Variants in METTL25 observed in about 807,000 individuals in gnomAD.
METTL25 encodes probable methyltransferase-like protein 25.
In METTL25, 64 loss-of-function variants were observed where a neutral mutation model predicts 71.6. That is an observed-to-expected ratio of 0.89 (90% CI 0.73 to 1.10). METTL25 has a LOEUF of 1.10. METTL25 is among the 50% of genes least tolerant of loss of function. METTL25 has a pLI of 0.00. For missense variants in METTL25, 807 were observed against 707.0 expected, an observed-to-expected ratio of 1.14 and a Z score of -1.60; for synonymous variants, 287 against 250.3, an observed-to-expected ratio of 1.15 and a Z score of -1.38.
Position 82,476,737 on chromosome 12 carries a change from C to T in METTL25, c.1647+19C>T. On this transcript the variant is annotated intron_variant, in intron 10 of 11. Transcript: ENST00000248306. Reference sequence around the variant, plus strand: ...TAATATGGTAAATCTCAGAGTTAAGCATATTAAATTGGATATGTTGCTAGA... The same window carrying T: ...TAATATGGTAAATCTCAGAGTTAAGTATATTAAATTGGATATGTTGCTAGA... The T allele has an allele frequency of 1.3e-6, 2 of 1,511,992 alleles. No homozygotes were observed. Among genetic ancestry groups the T allele is most frequent in the Non-Finnish European group, 1.8e-6 (2 of 1,108,332 alleles). 93.7% of individuals were successfully genotyped at this position (1,511,992 alleles called of 1,614,324 possible). A position where few individuals can be genotyped will look rare whatever the true frequency, so the allele number is the denominator to read the frequency against.
At chr12:82,475,749 T>G (rs1304924821) in intron 9 of METTL25, among the ~76,000 whole-genome samples, 1 of 152,180 alleles carries the variant, frequency 6.6e-6, no homozygotes, top group Non-Finnish European at 1.5e-5. Flanking sequence ...TTTCATTTGT[T>G]ATGTAATACT....
intron 1 of METTL25, among the ~76,000 whole-genome samples, chr12:82,381,575 G>A (rs570906764): frequency 6.6e-6 from 1 of 152,144 alleles, no homozygotes; most frequent in Non-Finnish European, 1.5e-5. Context: ...TTTTGAAAGC[G>A]ATAGTATATA....
chr12:82,410,590 A>C (rs750666385), intron 5 of METTL25, among the ~76,000 whole-genome samples: 2 of 152,108 alleles, frequency 1.3e-5, no homozygotes, highest in South Asian at 2.1e-4. Context: ...AAATTAGAAC[A>C]CGTATTTTTT....
At chr12:82,377,579 G>A (rs1330389878) in intron 1 of METTL25, among the ~76,000 whole-genome samples, 1 of 152,066 alleles carries the variant, frequency 6.6e-6, no homozygotes, top group Non-Finnish European at 1.5e-5. Context: ...TTAGAAATAG[G>A]AAATTTAGTC....
chr12:82,455,358 A>G (rs1015002054), intron 8 of METTL25, among the ~76,000 whole-genome samples: 1 of 151,862 alleles, frequency 6.6e-6, no homozygotes, highest in Admixed American at 6.6e-5. Context: ...CTGTATGTGC[A>G]GGATCTGAGA....
intron 9 of METTL25, 184 bp from the exon 10 acceptor site, chr12:82,476,460 G>A (rs1892885322): frequency 1.8e-6 from 1 of 545,972 alleles, no homozygotes; most frequent in Non-Finnish European, 3.2e-6. Context: ...ACCTATATCA[G>A]TGTAAAAATT....
intron 5 of METTL25, among the ~76,000 whole-genome samples, 172 bp downstream of exon 5, chr12:82,403,302 G>C (rs1187889378): frequency 6.6e-6 from 1 of 152,094 alleles, no homozygotes; most frequent in African/African-American, 2.4e-5. Flanking sequence ...GAAATTTAAT[G>C]CATCACCACC....
rs974868573 is a variant in METTL25 at position 82,439,795 on chromosome 12, A to C, written c.1478+1004A>C. On this transcript the variant is annotated intron_variant, in intron 8 of 11. Coordinates refer to ENST00000248306, the MANE Select transcript of METTL25 (RefSeq NM_032230.3). ...CTAACCTTGTTGAAAAAAGCCATAA[A>C]ATTGTGCAAATTCATGTCAACTCAA... 4 of 857,828 alleles carry C rather than the reference A, an allele frequency of 4.7e-6. No individual in the cohort carries two copies. The East Asian group carries it at 4.9e-4, about 105-fold the overall frequency. 53.1% of individuals were successfully genotyped at this position (857,828 alleles called of 1,614,324 possible). A position where few individuals can be genotyped will look rare whatever the true frequency, so the allele number is the denominator to read the frequency against.
chr12:82,466,909 G>A (rs374162398), intron 9 of METTL25, among the ~76,000 whole-genome samples: 13 of 151,780 alleles, frequency 8.6e-5, no homozygotes, highest in South Asian at 2.1e-4. Context: ...CAATTTTTCC[G>A]TTAGCATAGA....
At chr12:82,434,835 C>T (rs1889799418) in intron 7 of METTL25, 111 bp downstream of exon 7, 1 of 885,752 alleles carries the variant, frequency 1.1e-6, no homozygotes. Flanking sequence ...TATCTTGTCC[C>T]AGATGCATAT....
intron 5 of METTL25, among the ~76,000 whole-genome samples, chr12:82,404,215 G>T (rs1886884416): frequency 1.3e-5 from 2 of 151,924 alleles, no homozygotes; most frequent in East Asian, 3.9e-4. Context: ...ACTGTATAGA[G>T]ATAGAATGAA....
chr12:82,426,402 G>A (rs771165676), intron 5 of METTL25, among the ~76,000 whole-genome samples: 3 of 152,056 alleles, frequency 2.0e-5, no homozygotes, highest in Non-Finnish European at 4.4e-5. Flanking sequence ...GCCAAGGCTG[G>A]CAGTTCCTGT....
At chr12:82,462,588 A>G (rs985446215) in intron 9 of METTL25, among the ~76,000 whole-genome samples, 1 of 152,176 alleles carries the variant, frequency 6.6e-6, no homozygotes, top group South Asian at 2.1e-4. Context: ...TACAGCTTAA[A>G]TGAGATACTC....
chr12:82,392,075 TTA>T (rs1555205861), intron 3 of METTL25, among the ~76,000 whole-genome samples: 3 of 149,960 alleles, frequency 2.0e-5, no homozygotes, highest in Non-Finnish European at 4.4e-5. Flanking sequence ...TTTTATTTTT[TTA>T]TTTTTTATTT....
chr12:82,388,320 T>A (rs1293261135), intron 2 of METTL25, among the ~76,000 whole-genome samples: 2 of 152,090 alleles, frequency 1.3e-5, no homozygotes, highest in African/African-American at 4.8e-5. Context: ...TTTAATTTTT[T>A]AAATCTCTCT....
intron 4 of METTL25, among the ~76,000 whole-genome samples, chr12:82,399,712 T>A (rs541230155): frequency 6.6e-6 from 1 of 152,282 alleles, no homozygotes; most frequent in African/African-American, 2.4e-5. Flanking sequence ...AATTTTAATT[T>A]AAATTTGAAG....
At chr12:82,475,568 G>A (rs1892836327) in intron 9 of METTL25, among the ~76,000 whole-genome samples, 1 of 151,760 alleles carries the variant, frequency 6.6e-6, no homozygotes. Flanking sequence ...ATAAATCTGA[G>A]TACAAGTCTT....
intron 5 of METTL25, among the ~76,000 whole-genome samples, chr12:82,418,695 AC>A (rs1400031952): frequency 6.6e-6 from 1 of 152,162 alleles, no homozygotes; most frequent in Non-Finnish European, 1.5e-5. Flanking sequence ...TGACAAAAAA[AC>A]TTGAGTTGCT....
chr12:82,445,456 C>G (rs935435608), intron 8 of METTL25, among the ~76,000 whole-genome samples: 1 of 151,856 alleles, frequency 6.6e-6, no homozygotes, highest in African/African-American at 2.4e-5. Context: ...CTCTTATTAG[C>G]ATTGTATTGA....
Sources: allele counts gnomAD v4.1 joint callset (sites outside exome capture counted in the v4.1 genomes callset), GRCh38; gene constraint gnomAD v4.1.1; transcripts MANE v1.5; gene names NCBI Gene and HGNC (gene_info 2026-07-23, HGNC 2026-07-21).